Variants in C8orf34 observed in about 807,000 individuals in gnomAD.
C8orf34 encodes uncharacterized protein C8orf34.
In C8orf34, 65 loss-of-function variants were observed where a neutral mutation model predicts 68.3. The ratio of observed to expected loss-of-function variants is 0.95; its 90% CI spans 0.78 to 1.17. The LOEUF (loss-of-function observed/expected upper bound fraction) is 1.17, where lower values mean the gene tolerates loss of function less well. Ranked by LOEUF, C8orf34 falls within the 50% of genes most tolerant of loss-of-function variation. The pLI, the probability that C8orf34 is intolerant of heterozygous loss-of-function variation, is 0.00. For missense variants in C8orf34, 664 were observed against 655.4 expected (o/e 1.01, Z -0.14); for synonymous variants, 244 against 241.2 (o/e 1.01, Z -0.11).
At chr8:68,602,716 T>G (rs1817735478) in intron 7 of C8orf34, among the ~76,000 whole-genome samples, 1 of 151,974 alleles carries the variant, frequency 6.6e-6, no homozygotes, top group Admixed American at 6.6e-5. Flanking sequence ...TGCTGCCAGA[T>G]GTGTGGGATG....
intron 7 of C8orf34, among the ~76,000 whole-genome samples, chr8:68,611,479 T>G (rs890716201): frequency 6.6e-6 from 1 of 152,184 alleles, no homozygotes; most frequent in Non-Finnish European, 1.5e-5. Context: ...TAAATACTTT[T>G]ATACCTTTAG....
rs565112533 is a variant in C8orf34 at position 68,407,420 on chromosome 8, G to GT, written c.328-32072dup. On this transcript the variant is annotated intron_variant, in intron 1 of 13. Transcript: ENST00000518698. Reference sequence around the variant, plus strand: ...ATCTACAGTAAAGGTCCTGCTGTTTGTTTTTTTAACATCCAGTTTTACTGA... The same window carrying GT: ...ATCTACAGTAAAGGTCCTGCTGTTTGTTTTTTTTAACATCCAGTTTTACTGA... Among the ~76,000 whole-genome samples the GT allele has an allele frequency of 2.6e-5, 4 of 151,672 alleles. No individual in the cohort carries two copies. In the South Asian group the frequency reaches 8.3e-4, roughly 32 times the overall value.
chr8:68,754,765 A>G (rs141376677), intron 10 of C8orf34, among the ~76,000 whole-genome samples: 147 of 152,354 alleles, frequency 9.6e-4, no homozygotes, highest in African/African-American at 3.4e-3. Context: ...ATTACCAGTC[A>G]CGGAAAAAGT....
At chr8:68,350,174 T>G (rs980764155) in intron 1 of C8orf34, among the ~76,000 whole-genome samples, 2 of 152,022 alleles carry the variant, frequency 1.3e-5, no homozygotes, top group African/African-American at 4.8e-5. Context: ...ATGTTTGTCC[T>G]CATTATTTTC....
In C8orf34 at chr8:68,783,323, G is replaced by A. The variant is rs560474332; in HGVS notation, c.1456-4120G>A. Among the ~76,000 whole-genome samples the A allele has an allele frequency of 1.1e-4, 16 of 152,034 alleles. 1 individual carries two copies. The highest frequency in any genetic ancestry group is 1.0e-3 in the South Asian group (5 of 4,820). Reference sequence around the variant, plus strand: ...TCACGAGGTCAGGAGATCGAGACCAGCCTGGCCAACATGGTGAAACCCCGT... The same window carrying A: ...TCACGAGGTCAGGAGATCGAGACCAACCTGGCCAACATGGTGAAACCCCGT... On this transcript the variant is annotated intron_variant, in intron 11 of 13. Coordinates refer to ENST00000518698, the MANE Select transcript of C8orf34 (RefSeq NM_052958.4).
chr8:68,631,139 G>T (rs1818679727), intron 7 of C8orf34, among the ~76,000 whole-genome samples: 1 of 151,854 alleles, frequency 6.6e-6, no homozygotes, highest in East Asian at 2.0e-4. Context: ...GTGGTGGCAT[G>T]CACCTGCAGC....
chr8:68,723,424 CAT>C (rs1186594188), intron 10 of C8orf34, among the ~76,000 whole-genome samples: 2 of 152,118 alleles, frequency 1.3e-5, no homozygotes, highest in African/African-American at 4.8e-5. Context: ...TCCCCTGTAA[CAT>C]GTGAGTTATG....
chr8:68,658,416 T>G (rs982182574), intron 8 of C8orf34, among the ~76,000 whole-genome samples: 5 of 152,182 alleles, frequency 3.3e-5, no homozygotes, highest in Admixed American at 3.3e-4. Context: ...GCCATTAATA[T>G]GTAATGTTTC....
chr8:68,561,743 G>T (rs1816435721), intron 7 of C8orf34, among the ~76,000 whole-genome samples: 1 of 152,054 alleles, frequency 6.6e-6, no homozygotes, highest in Non-Finnish European at 1.5e-5. Context: ...GGACGACAGG[G>T]CAAGACTTCA....
At position 68,721,444 on chromosome 8, in the gene C8orf34, A is replaced by G. The variant is rs1416047411; in HGVS notation, c.1404+7A>G. On this transcript the variant is annotated splice_region_variant and intron_variant, in intron 10 of 13. Coordinates refer to ENST00000518698, the MANE Select transcript of C8orf34 (RefSeq NM_052958.4). ...ATCTAAACTAACAGGACCTGTAAGT[A>G]TATTCATTGACTTATTTTTTTTAAT... 6.4e-7 allele frequency: 1 copy of G among 1,570,716 alleles called. No individual in the cohort carries two copies. The highest frequency in any genetic ancestry group is 1.7e-5 in the Admixed American group (1 of 59,016).
chr8:68,640,616 C>G (rs1004911686), intron 8 of C8orf34, 105 bp downstream of exon 8: 2 of 1,163,538 alleles, frequency 1.7e-6, no homozygotes, highest in African/African-American at 3.1e-5. Context: ...ACATCTTTTC[C>G]TTCCAGCGAT....
intron 3 of C8orf34, among the ~76,000 whole-genome samples, chr8:68,464,403 C>A (rs1348023881): frequency 6.6e-6 from 1 of 151,860 alleles, no homozygotes; most frequent in Admixed American, 6.6e-5. Flanking sequence ...CAATGCCATC[C>A]CCATCAAGCT....
intron 7 of C8orf34, among the ~76,000 whole-genome samples, chr8:68,600,503 G>A (rs1285058400): frequency 2.0e-5 from 3 of 151,970 alleles, no homozygotes; most frequent in Non-Finnish European, 4.4e-5. Flanking sequence ...CATTCTGTTA[G>A]GATAGGTTTG....
chr8:68,437,898 A>G (rs1810731392), intron 1 of C8orf34: 1 of 152,168 alleles, frequency 6.6e-6, no homozygotes, highest in South Asian at 2.1e-4. Context: ...TATCTGCAAA[A>G]TCCATTTATC....
At chr8:68,571,276 T>C (rs1341602355) in intron 7 of C8orf34, among the ~76,000 whole-genome samples, 4 of 152,188 alleles carry the variant, frequency 2.6e-5, no homozygotes, top group Admixed American at 2.6e-4. Context: ...GCCTGTCTCC[T>C]TCCTGCATAA....
intron 10 of C8orf34, among the ~76,000 whole-genome samples, chr8:68,723,322 T>C (rs919136191): frequency 6.6e-6 from 1 of 152,096 alleles, no homozygotes; most frequent in African/African-American, 2.4e-5. Flanking sequence ...AGTCAAAGCA[T>C]AGTCCATTCT....
intron 7 of C8orf34, among the ~76,000 whole-genome samples, chr8:68,627,194 A>T (rs1302620674): frequency 6.6e-6 from 1 of 152,066 alleles, no homozygotes; most frequent in South Asian, 2.1e-4. Context: ...CTCCAGGTCG[A>T]CACTCTGAAC....
At chr8:68,463,268 A>G (rs1811936234) in intron 3 of C8orf34, among the ~76,000 whole-genome samples, 1 of 152,076 alleles carries the variant, frequency 6.6e-6, no homozygotes, top group African/African-American at 2.4e-5. Flanking sequence ...GAATAGACCA[A>G]TAACAGGCTC....
chr8:68,387,428 A>C (rs1808307685), intron 1 of C8orf34, among the ~76,000 whole-genome samples: 1 of 152,168 alleles, frequency 6.6e-6, no homozygotes, highest in Admixed American at 6.6e-5. Flanking sequence ...AGGACTATTA[A>C]ATAGGAAGTA....
Sources: allele counts gnomAD v4.1 joint callset (sites outside exome capture counted in the v4.1 genomes callset), GRCh38; gene constraint gnomAD v4.1.1; transcripts MANE v1.5; gene names NCBI Gene and HGNC (gene_info 2026-07-23, HGNC 2026-07-21).